NRG1: variants seen among roughly 807,000 people sequenced by gnomAD.
NRG1 encodes the protein pro-neuregulin-1, membrane-bound isoform.
In NRG1, 18 loss-of-function variants were observed where a neutral mutation model predicts 63.8. That is an observed-to-expected ratio of 0.28 (90% CI 0.19 to 0.42). NRG1 has a LOEUF of 0.42. Among genes scored for constraint, NRG1 ranks in the 10% least tolerant of loss-of-function variants. The pLI is 1.00. For missense variants in NRG1, 762 were observed against 814.7 expected (o/e 0.94, Z 0.79); for synonymous variants, 302 against 301.3 (o/e 1.00, Z -0.02).
At chr8:31,783,591 G>C (rs1476106356) in intron 1 of NRG1, among the ~76,000 whole-genome samples, 1 of 142,018 alleles carries the variant, frequency 7.0e-6, no homozygotes, top group Non-Finnish European at 1.5e-5. Context: ...GTGTAGAAAA[G>C]CTGTTTTCAG....
intron 5 of NRG1, among the ~76,000 whole-genome samples, chr8:32,710,986 C>A (rs1299057127): frequency 6.6e-6 from 1 of 152,126 alleles, no homozygotes; most frequent in Non-Finnish European, 1.5e-5. Flanking sequence ...AAGTCTCATT[C>A]TCTGACAATG....
At chr8:31,681,532 G>A (rs1450458760) in intron 1 of NRG1, among the ~76,000 whole-genome samples, 1 of 151,900 alleles carries the variant, frequency 6.6e-6, no homozygotes, top group Non-Finnish European at 1.5e-5. Flanking sequence ...GAGCTGCAGA[G>A]GTATGGGAGA....
intron 1 of NRG1, among the ~76,000 whole-genome samples, chr8:32,471,303 CT>C (rs1488219255): frequency 6.6e-6 from 1 of 152,292 alleles, no homozygotes; most frequent in East Asian, 1.9e-4. Context: ...CTAACCTTAC[CT>C]ACTGCTCCTT....
intron 5 of NRG1, among the ~76,000 whole-genome samples, chr8:32,626,057 G>A (rs371982154): frequency 6.6e-6 from 1 of 152,008 alleles, no homozygotes; most frequent in African/African-American, 2.4e-5. Flanking sequence ...GCCTCCCAAA[G>A]TGCTGGGATT....
chr8:31,822,913 AG>A (rs1211327139), intron 1 of NRG1, among the ~76,000 whole-genome samples: 2 of 152,260 alleles, frequency 1.3e-5, no homozygotes, highest in African/African-American at 4.8e-5. Context: ...AAGCCAACAG[AG>A]GAGGCCATGT....
At chr8:31,712,856 T>C (rs1374716994) in intron 1 of NRG1, among the ~76,000 whole-genome samples, 2 of 152,076 alleles carry the variant, frequency 1.3e-5, no homozygotes, top group African/African-American at 4.8e-5. Context: ...ATCTGAAAGG[T>C]GTTCTCATTA....
In NRG1 at chr8:31,640,738, C is replaced by G. The variant is rs1803679506; in HGVS notation, c.37+1307C>G. The G allele has an allele frequency of 3.9e-6, 6 of 1,552,526 alleles. No homozygotes were observed. Among genetic ancestry groups the G allele is most frequent in the African/African-American group, 1.4e-5 (1 of 72,094 alleles). ...GCTGTGCAAGCGGTGCGGTAAGTTC[C>G]TCGCCCTTGGGGGCGCGAACCCGCG... On this transcript the variant is annotated intron_variant, in intron 1 of 10. Coordinates refer to the NRG1 transcript ENST00000519301. The surrounding 1 kb of genome is among the most constrained non-coding windows in gnomAD (Gnocchi z 6.3).
intron 1 of NRG1, among the ~76,000 whole-genome samples, chr8:32,407,695 G>A (rs963872370): frequency 2.0e-5 from 3 of 152,014 alleles, no homozygotes; most frequent in African/African-American, 7.2e-5. Context: ...ACACAGCCTC[G>A]CTGAAAGTAT....
intron 1 of NRG1, chr8:31,639,647 C>G: frequency 3.6e-6 from 5 of 1,398,696 alleles, no homozygotes; most frequent in South Asian, 1.6e-5. Flanking sequence ...ACAGCAGCCC[C>G]GACAGCAGGG....
At chr8:32,118,850 C>G (rs1833079557) in intron 1 of NRG1, among the ~76,000 whole-genome samples, 1 of 151,876 alleles carries the variant, frequency 6.6e-6, no homozygotes. Flanking sequence ...TAGGTTGAAA[C>G]CAGCTCCTTG....
At chr8:31,883,757 A>G (rs928380821) in intron 1 of NRG1, among the ~76,000 whole-genome samples, 1 of 152,012 alleles carries the variant, frequency 6.6e-6, no homozygotes, top group Non-Finnish European at 1.5e-5. Context: ...TGAAATTCCC[A>G]TTTTCCTCTG....
At chr8:32,028,491 G>A (rs556256257) in intron 1 of NRG1, among the ~76,000 whole-genome samples, 1 of 152,248 alleles carries the variant, frequency 6.6e-6, no homozygotes, top group South Asian at 2.1e-4. Flanking sequence ...TTCCTCATCT[G>A]TATAATAAGA....
At chr8:32,111,824 T>A (rs547659234) in intron 1 of NRG1, among the ~76,000 whole-genome samples, 2 of 152,222 alleles carry the variant, frequency 1.3e-5, no homozygotes, top group South Asian at 4.2e-4. Flanking sequence ...TACCCTTCTA[T>A]CCAGGCATGC....
rs1410563220 is a variant in NRG1, at chr8:32,669,354, T to G, written c.502+52469T>G. Among the ~76,000 whole-genome samples the G allele has an allele frequency of 3.9e-5, 6 of 152,204 alleles. No homozygotes were observed. In the East Asian group the frequency reaches 1.2e-3, roughly 29 times the overall value. Reference sequence around the variant, plus strand: ...AAACATTTAGGGTTTTCGTTTTTGCTGAGGTCCACTTGAACCCTGGAGCCC... The same window carrying G: ...AAACATTTAGGGTTTTCGTTTTTGCGGAGGTCCACTTGAACCCTGGAGCCC... On this transcript the variant is annotated intron_variant, in intron 5 of 11. Transcript: ENST00000356819.
intron 1 of NRG1, among the ~76,000 whole-genome samples, chr8:32,256,077 T>C (rs1408244112): frequency 6.6e-6 from 1 of 152,222 alleles, no homozygotes; most frequent in Non-Finnish European, 1.5e-5. Flanking sequence ...TATGTTCTTC[T>C]GTAAAGTGGT....
intron 1 of NRG1, among the ~76,000 whole-genome samples, chr8:32,388,919 A>G (rs1811366135): frequency 6.6e-6 from 1 of 152,204 alleles, no homozygotes; most frequent in Non-Finnish European, 1.5e-5. Flanking sequence ...GGCTTCTGGG[A>G]AATTTAGGGG....
chr8:31,851,727 T>G (rs1039772153), intron 1 of NRG1, among the ~76,000 whole-genome samples: 44 of 150,180 alleles, frequency 2.9e-4, no homozygotes, highest in Admixed American at 7.9e-4. Context: ...CATCTAGCAT[T>G]AGGTATATCT....
intron 1 of NRG1, among the ~76,000 whole-genome samples, chr8:31,876,134 T>C (rs1028799504): frequency 1.1e-4 from 16 of 152,222 alleles, no homozygotes; most frequent in Non-Finnish European, 2.4e-4. Flanking sequence ...AGTTAGTTTA[T>C]ATGACCTATT....
intron 5 of NRG1, among the ~76,000 whole-genome samples, chr8:32,710,472 C>T (rs948353476): frequency 3.9e-5 from 6 of 152,076 alleles, no homozygotes; most frequent in Non-Finnish European, 8.8e-5. Flanking sequence ...GTTCCTTGTG[C>T]CATAACTCCC....
Sources: gnomAD v4.1 joint callset for allele counts (sites outside exome capture counted in the v4.1 genomes callset) on GRCh38, gnomAD v4.1.1 for gene constraint, Gnocchi (gnomAD v3.1) non-coding constraint, MANE v1.5 for transcripts, NCBI Gene and HGNC (gene_info 2026-07-23, HGNC 2026-07-21) for gene names.